Variants in NRXN3 observed in about 807,000 individuals in gnomAD.
NRXN3 encodes the protein neurexin 3.
In NRXN3, 32 loss-of-function variants were observed where a neutral mutation model predicts 137.6. The observed-to-expected ratio is 0.23, with a 90% CI of 0.18 to 0.31. NRXN3 has a LOEUF of 0.31. Among genes scored for constraint, NRXN3 ranks in the 10% least tolerant of loss-of-function variants. NRXN3 has a pLI of 1.00. For missense variants in NRXN3, 1,574 were observed against 2,062.5 expected (o/e 0.76, Z 4.59); for synonymous variants, 798 against 784.5 (o/e 1.02, Z -0.29).
chr14:78,533,023 A>T (rs1169672091), intron 4 of NRXN3, among the ~76,000 whole-genome samples: 1 of 148,462 alleles, frequency 6.7e-6, no homozygotes, highest in Non-Finnish European at 1.5e-5. Flanking sequence ...CACTGCCTAT[A>T]TTCTGAGCTT....
intron 19 of NRXN3, among the ~76,000 whole-genome samples, chr14:79,767,488 C>T (rs975638415): frequency 6.6e-6 from 1 of 152,180 alleles, no homozygotes; most frequent in African/African-American, 2.4e-5. Context: ...TTTTACAGTG[C>T]TATAAATTGT....
At chr14:79,344,807 A>G (rs1161361172) in intron 15 of NRXN3, among the ~76,000 whole-genome samples, 1 of 152,228 alleles carries the variant, frequency 6.6e-6, no homozygotes, top group East Asian at 1.9e-4. Flanking sequence ...CACAAAGTAT[A>G]TCAGGAGAAT....
chr14:79,105,625 C>G (rs1028705575), intron 15 of NRXN3, among the ~76,000 whole-genome samples: 1 of 152,118 alleles, frequency 6.6e-6, no homozygotes, highest in Admixed American at 6.6e-5. Flanking sequence ...ATTCTTACCC[C>G]ATTTCAGGCA....
chr14:78,437,498 G>A (rs889064589), intron 4 of NRXN3, among the ~76,000 whole-genome samples: 13 of 151,952 alleles, frequency 8.6e-5, no homozygotes, highest in South Asian at 2.1e-4. Flanking sequence ...ACAGGCATGC[G>A]CCATGATGCC....
At chr14:78,728,026 T>C (rs2098494653) in intron 8 of NRXN3, among the ~76,000 whole-genome samples, 1 of 152,212 alleles carries the variant, frequency 6.6e-6, no homozygotes. Context: ...AAAGTGATTA[T>C]ATAACTTGCC....
Position 79,110,798 on chromosome 14 carries a change from T to TTTATTTATTTA in NRXN3, c.3262+122659_3262+122660insATTTATTTATT, listed in dbSNP as rs59008765. ...TATTTATTTATTTATTTATTTATTT[T>TTTATTTATTTA]TTTATTTTTTGAGACGGAGTCTCGA... On this transcript the variant is annotated intron_variant, in intron 15 of 20. Transcript: ENST00000335750. Among the ~76,000 whole-genome samples the TTTATTTATTTA allele has an allele frequency of 9.0e-3, 1,214 of 135,602 alleles. 8 individuals are homozygous for TTTATTTATTTA. Among genetic ancestry groups the TTTATTTATTTA allele is most frequent in the East Asian group, 0.018 (80 of 4,542 alleles). The allele number at this position is 135,602 out of a possible 152,430, so 89.0% of individuals were successfully genotyped here.
At chr14:79,826,176 A>C (rs1242406479) in intron 20 of NRXN3, among the ~76,000 whole-genome samples, 1 of 152,048 alleles carries the variant, frequency 6.6e-6, no homozygotes, top group African/African-American at 2.4e-5. Flanking sequence ...TTATATTTTT[A>C]GTAGAGGGGT....
rs2141998636 is a variant in NRXN3 at position 79,865,268 on chromosome 14, T to G, written c.*3304T>G. On this transcript the variant is annotated 3_prime_UTR_variant, in exon 21 of 21. Coordinates refer to ENST00000335750, the MANE Select transcript of NRXN3 (RefSeq NM_001330195.2). The stretch of plus-strand genomic sequence containing the variant: ...TGAGTTCTTCAATTTTAACAGCTTC[T>G]TACAAGAATTTCTGATTACAACTTG... 6.6e-6 allele frequency: 1 copy of G among 152,324 alleles called. No homozygotes were observed. Among genetic ancestry groups the G allele is most frequent in the Non-Finnish European group, 1.5e-5 (1 of 68,028 alleles). The allele number at this position is 152,324 out of a possible 1,614,324, so 9.4% of individuals were successfully genotyped here.
At chr14:78,413,268 G>T (rs1206938433) in intron 4 of NRXN3, among the ~76,000 whole-genome samples, 1 of 152,178 alleles carries the variant, frequency 6.6e-6, no homozygotes, top group Non-Finnish European at 1.5e-5. Flanking sequence ...GCTCTGCATT[G>T]AGGCAACAGG....
At chr14:78,967,845 G>T (rs1311412983) in intron 13 of NRXN3, among the ~76,000 whole-genome samples, 3 of 152,110 alleles carry the variant, frequency 2.0e-5, no homozygotes, top group Non-Finnish European at 4.4e-5. Flanking sequence ...TGGCATGTCT[G>T]TATATCCCTC....
chr14:78,202,599 A>T (rs2061779481), intron 1 of NRXN3, among the ~76,000 whole-genome samples: 1 of 152,156 alleles, frequency 6.6e-6, no homozygotes, highest in African/African-American at 2.4e-5. Flanking sequence ...AATGGCAGGG[A>T]TGGGCTTTCT....
intron 8 of NRXN3, among the ~76,000 whole-genome samples, chr14:78,763,341 A>G (rs1458970440): frequency 6.6e-6 from 1 of 151,872 alleles, no homozygotes; most frequent in East Asian, 1.9e-4. Context: ...TGCCTTTCTG[A>G]GGTTTCATTC....
At chr14:78,546,020 T>C (rs754570983) in intron 4 of NRXN3, among the ~76,000 whole-genome samples, 2 of 152,244 alleles carry the variant, frequency 1.3e-5, no homozygotes, top group African/African-American at 2.4e-5. Flanking sequence ...TTTTCTACCA[T>C]GCACAATGTT....
chr14:78,249,976 T>C (rs983546191), intron 2 of NRXN3: 4 of 386,314 alleles, frequency 1.0e-5, no homozygotes, highest in African/African-American at 8.5e-5. Context: ...GTAACAATGA[T>C]AGCTAATAAT....
chr14:78,263,033 C>T (rs1241941229), intron 2 of NRXN3, among the ~76,000 whole-genome samples: 1 of 122,938 alleles, frequency 8.1e-6, no homozygotes, highest in Non-Finnish European at 1.7e-5. Flanking sequence ...CAATGTAGTA[C>T]ATTTTTGGTG....
intron 15 of NRXN3, among the ~76,000 whole-genome samples, chr14:79,400,622 A>G (rs1273902585): frequency 6.6e-6 from 1 of 152,164 alleles, no homozygotes; most frequent in Admixed American, 6.5e-5. Context: ...TTAGTTTGTG[A>G]TTTAGACCTT....
intron 4 of NRXN3, among the ~76,000 whole-genome samples, chr14:78,387,070 C>G (rs368037090): frequency 6.6e-6 from 1 of 152,084 alleles, no homozygotes; most frequent in African/African-American, 2.4e-5. Context: ...TGTGAGCCAC[C>G]GCACCCGGCC....
chr14:78,251,219 G>A (rs1009004706), intron 2 of NRXN3, among the ~76,000 whole-genome samples: 1 of 152,096 alleles, frequency 6.6e-6, no homozygotes, highest in African/African-American at 2.4e-5. Context: ...GGAGCTCCTG[G>A]ATTCCTCTGT....
At chr14:79,099,636 G>A (rs1461543897) in intron 15 of NRXN3, among the ~76,000 whole-genome samples, 1 of 152,094 alleles carries the variant, frequency 6.6e-6, no homozygotes, top group Non-Finnish European at 1.5e-5. Flanking sequence ...ACTTTTTCAT[G>A]TATAATTTTG....
Sources: gnomAD v4.1 joint callset for allele counts (sites outside exome capture counted in the v4.1 genomes callset) on GRCh38, gnomAD v4.1.1 for gene constraint, MANE v1.5 for transcripts, NCBI Gene and HGNC (gene_info 2026-07-23, HGNC 2026-07-21) for gene names.